CAST: variants seen among roughly 807,000 people sequenced by gnomAD.
CAST encodes MIR583 host.
CAST carries 76 observed loss-of-function variants against 119.6 expected under a neutral mutation model. The observed-to-expected ratio is 0.64, with a 90% confidence interval of 0.53 to 0.77. CAST has a LOEUF of 0.77. CAST is among the 30% of genes least tolerant of loss of function. CAST has a pLI of 0.00. For synonymous variants in CAST, 319 were observed against 331.6 expected, an observed-to-expected ratio of 0.96 and a Z score of 0.41; for missense variants, 953 against 946.5, an observed-to-expected ratio of 1.01 and a Z score of -0.09.
chr5:96,529,780 T>C (rs895706354), upstream of CAST: 26 of 438,114 alleles, frequency 5.9e-5, no homozygotes, highest in Admixed American at 1.7e-4. Flanking sequence ...ATGAGGGGCT[T>C]CCCCTTTGCT....
chr5:96,170,352 A>C, the CAST span, among the ~76,000 whole-genome samples: 1 of 152,172 alleles, frequency 6.6e-6, no homozygotes, highest in Non-Finnish European at 1.5e-5. Context: ...AAGCTGCGGG[A>C]GGAGGTTCTG....
At position 96,706,780 on chromosome 5, in the gene CAST, A is replaced by T. The variant is rs567984468; in HGVS notation, c.210+10873A>T. Among the ~76,000 whole-genome samples, 14 of 152,300 alleles carry T rather than the reference A, an allele frequency of 9.2e-5. No individual in the cohort carries two copies. The East Asian group carries it at 2.3e-3, about 25-fold the overall frequency. ...ACCTTTGCATGTGCTGTTTTGTGGA[A>T]CTGAGAGTTCTGGTTAATTCTAGGA... is the stretch of plus-strand genomic sequence containing the variant. On this transcript the variant is annotated intron_variant, in intron 3 of 31. Transcript: ENST00000675179.
chr5:96,432,009 C>G, the CAST span: 1 of 1,074,926 alleles, frequency 9.3e-7, no homozygotes, highest in Non-Finnish European at 1.4e-6. Context: ...CACCTCCAAC[C>G]AGCTACCTAT....
At chr5:96,599,474 C>A (rs1747106983) in intron 1 of CAST, among the ~76,000 whole-genome samples, 1 of 152,196 alleles carries the variant, frequency 6.6e-6, no homozygotes, top group African/African-American at 2.4e-5. Flanking sequence ...TAATATCGGG[C>A]TGACTTCCTA....
At chr5:96,769,599 C>T (rs1235070400) in intron 29 of CAST, 3 of 151,956 alleles carry the variant, frequency 2.0e-5, no homozygotes, top group South Asian at 4.1e-4. Context: ...GTGACAAAAG[C>T]AGCTAAAATC....
chr5:96,216,688 T>C, the CAST span, among the ~76,000 whole-genome samples: 4 of 152,224 alleles, frequency 2.6e-5, no homozygotes, highest in African/African-American at 9.6e-5. Flanking sequence ...GTGGTGGATA[T>C]GTTTTCCAGA....
chr5:96,722,537 A>C, intron 3 of CAST, 102 bp from the exon 4 acceptor site: 1 of 858,926 alleles, frequency 1.2e-6, no homozygotes, highest in Non-Finnish European at 2.0e-6. Context: ...GGGTAAAACC[A>C]AGGTAAAGGG....
At chr5:96,757,294 T>C (rs1471846074) in intron 22 of CAST, 150 bp from the exon 23 acceptor site, 1 of 767,204 alleles carries the variant, frequency 1.3e-6, no homozygotes, top group East Asian at 2.5e-5. Flanking sequence ...GCATATTCTC[T>C]GGTGAGAGAA....
chr5:96,419,997 T>C, the CAST span, among the ~76,000 whole-genome samples: 1 of 152,070 alleles, frequency 6.6e-6, no homozygotes, highest in African/African-American at 2.4e-5. Flanking sequence ...GGAAGGACCG[T>C]ATACTGCCTA....
rs1747201882 is a variant in CAST, at chr5:96,603,742, AT to A, written c.61-71795del. Among the ~76,000 whole-genome samples the A allele has an allele frequency of 2.0e-5, 3 of 146,942 alleles. No homozygotes were observed. In the Admixed American group the frequency reaches 2.0e-4, roughly 10 times the overall value. On this transcript the variant is annotated intron_variant, in intron 1 of 11. Coordinates refer to the CAST transcript ENST00000505143. ...TATCAAGTATTATGTACTGTACATCATTGTATGTGCTGTACTCTTTTTTTTT... is the reference window on the plus strand; with the variant it reads ...TATCAAGTATTATGTACTGTACATCATGTATGTGCTGTACTCTTTTTTTTT...
chr5:96,165,219 C>A, the CAST span, among the ~76,000 whole-genome samples: 1 of 151,656 alleles, frequency 6.6e-6, no homozygotes, highest in East Asian at 1.9e-4. Context: ...GTCTTTGGGG[C>A]CTTGAAAAGA....
chr5:96,567,913 T>C (rs964056346), intron 1 of CAST, among the ~76,000 whole-genome samples: 1 of 152,154 alleles, frequency 6.6e-6, no homozygotes, highest in Non-Finnish European at 1.5e-5. Flanking sequence ...CCTTTTAATC[T>C]GCTTTGTCAG....
chr5:96,291,642 G>A, the CAST span, among the ~76,000 whole-genome samples: 1 of 151,892 alleles, frequency 6.6e-6, no homozygotes, highest in Non-Finnish European at 1.5e-5. Flanking sequence ...AGGTGAATGG[G>A]GCTCAGGAAA....
chr5:96,741,756 G>A, intron 15 of CAST, 176 bp downstream of exon 15: 2 of 566,222 alleles, frequency 3.5e-6, no homozygotes, highest in Admixed American at 3.2e-5. Flanking sequence ...CAAGCCTTGT[G>A]TGTTTCTGTA....
chr5:96,143,694 T>G, the CAST span, among the ~76,000 whole-genome samples: 1 of 152,194 alleles, frequency 6.6e-6, no homozygotes, highest in Non-Finnish European at 1.5e-5. Context: ...AACCTCAGAT[T>G]TTTCCATCTG....
At chr5:96,472,252 A>G in the CAST span, among the ~76,000 whole-genome samples, 1 of 152,148 alleles carries the variant, frequency 6.6e-6, no homozygotes, top group Non-Finnish European at 1.5e-5. Context: ...TGAAAATCTG[A>G]TGCTATGACT....
At chr5:96,612,911 T>C (rs1270688245) in intron 1 of CAST, among the ~76,000 whole-genome samples, 1 of 152,194 alleles carries the variant, frequency 6.6e-6, no homozygotes, top group Non-Finnish European at 1.5e-5. Context: ...ACACAGTACA[T>C]GTAATTTTTC....
At chr5:96,434,607 GTTTT>G in the CAST span, among the ~76,000 whole-genome samples, 28,548 of 147,158 alleles carry the variant, frequency 0.19, 3,105 homozygotes, top group East Asian at 0.29. Flanking sequence ...TGGGAAGTTT[GTTTT>G]TTTTTTTGTT....
chr5:96,169,687 A>G, the CAST span, among the ~76,000 whole-genome samples: 1 of 152,108 alleles, frequency 6.6e-6, no homozygotes, highest in East Asian at 1.9e-4. Context: ...TAAGGGGTGC[A>G]TGATCGGTCA....
Sources: allele counts gnomAD v4.1 joint callset (sites outside exome capture counted in the v4.1 genomes callset), GRCh38; gene constraint gnomAD v4.1.1; transcripts MANE v1.5; gene names NCBI Gene and HGNC (gene_info 2026-07-23, HGNC 2026-07-21).